Variants in TENM4 observed in about 807,000 individuals in gnomAD.
TENM4 encodes the protein teneurin-4.
TENM4 carries 82 observed loss-of-function variants against 243.3 expected under a neutral mutation model. The ratio of observed to expected loss-of-function variants is 0.34; its 90% CI spans 0.28 to 0.40. The LOEUF (loss-of-function observed/expected upper bound fraction) is 0.40. TENM4 is among the 10% of genes least tolerant of loss of function. TENM4 has a pLI of 1.00. For synonymous variants in TENM4, 1,412 were observed against 1,456.3 expected, an observed-to-expected ratio of 0.97 and a Z score of 0.69; for missense variants, 3,138 against 3,673.3, an observed-to-expected ratio of 0.85 and a Z score of 3.77.
chr11:78,765,244 T>C (rs1223590267), intron 18 of TENM4, among the ~76,000 whole-genome samples: 3 of 152,258 alleles, frequency 2.0e-5, no homozygotes, highest in Non-Finnish European at 4.4e-5. Flanking sequence ...TAATAAATTC[T>C]GTGCCTTCTT....
At chr11:79,081,534 G>GGTGTGT (rs56237099) in intron 4 of TENM4, among the ~76,000 whole-genome samples, 49,727 of 148,088 alleles carry the variant, frequency 0.34, 8,610 homozygotes, top group African/African-American at 0.39. Flanking sequence ...TGTCAGAGGT[G>GGTGTGT]GTGTGTGTGT....
chr11:78,688,033 C>T, intron 29 of TENM4, 21 bp downstream of exon 29: 1 of 1,612,054 alleles, frequency 6.2e-7, no homozygotes, highest in Non-Finnish European at 8.5e-7. Flanking sequence ...CTCAAAGTCC[C>T]CTGGCCCCCA....
intron 28 of TENM4, among the ~76,000 whole-genome samples, chr11:78,696,696 T>A (rs906675105): frequency 6.6e-6 from 1 of 152,158 alleles, no homozygotes; most frequent in Non-Finnish European, 1.5e-5. Context: ...GTTCAGCCCT[T>A]GGGTCCTCCC....
chr11:78,929,477 G>T (rs1856624593), intron 6 of TENM4, among the ~76,000 whole-genome samples: 1 of 152,202 alleles, frequency 6.6e-6, no homozygotes, highest in South Asian at 2.1e-4. Context: ...ACAAGAAGGA[G>T]AGAGGGCTAG....
At chr11:78,716,470 C>G (rs1239204505) in intron 25 of TENM4, among the ~76,000 whole-genome samples, 1 of 152,222 alleles carries the variant, frequency 6.6e-6, no homozygotes, top group African/African-American at 2.4e-5. Flanking sequence ...GATTACCAGT[C>G]TCTGCGGCTT....
chr11:79,314,455 G>A (rs1856772173), intron 1 of TENM4, among the ~76,000 whole-genome samples: 1 of 152,212 alleles, frequency 6.6e-6, no homozygotes, highest in African/African-American at 2.4e-5. Context: ...TTGGGGCCGG[G>A]AAGCCTGGTG....
chr11:78,830,076 G>T (rs894342678), intron 12 of TENM4, among the ~76,000 whole-genome samples: 1 of 152,208 alleles, frequency 6.6e-6, no homozygotes, highest in African/African-American at 2.4e-5. Context: ...ACGTATTGGG[G>T]CTGCTGAATC....
intron 1 of TENM4, among the ~76,000 whole-genome samples, chr11:79,341,539 A>C (rs887000590): frequency 6.6e-6 from 1 of 152,228 alleles, no homozygotes; most frequent in African/African-American, 2.4e-5. Context: ...TGAACATGAC[A>C]GAGCTAGAAC....
chr11:78,738,318 G>A (rs565233391), intron 20 of TENM4, 133 bp downstream of exon 20: 2 of 1,225,380 alleles, frequency 1.6e-6, no homozygotes, highest in South Asian at 3.1e-5. Context: ...AAGTTGCAGA[G>A]CTGGGCATTT....
chr11:78,958,278 T>C (rs1257375322), intron 6 of TENM4, among the ~76,000 whole-genome samples: 2 of 152,202 alleles, frequency 1.3e-5, no homozygotes, highest in Non-Finnish European at 2.9e-5. Context: ...TCTTAAATAT[T>C]AACCACCAAG....
At chr11:79,426,204 C>G (rs1332547934) in intron 1 of TENM4, among the ~76,000 whole-genome samples, 1 of 152,192 alleles carries the variant, frequency 6.6e-6, no homozygotes, top group East Asian at 1.9e-4. Context: ...CTAACAAGTT[C>G]AGATGACATC....
chr11:78,880,834 T>A (rs1214553413), intron 9 of TENM4, among the ~76,000 whole-genome samples: 1 of 152,156 alleles, frequency 6.6e-6, no homozygotes, highest in Non-Finnish European at 1.5e-5. Context: ...CTTTACTATA[T>A]TTCTCAAAAA....
intron 6 of TENM4, among the ~76,000 whole-genome samples, chr11:78,992,161 CTGG>C (rs1858062142): frequency 1.3e-5 from 2 of 152,210 alleles, no homozygotes; most frequent in Non-Finnish European, 2.9e-5. Flanking sequence ...AGAGCACCTG[CTGG>C]TGCACAGCAA....
chr11:79,100,610 C>T (rs548482724), intron 4 of TENM4, among the ~76,000 whole-genome samples: 4 of 152,190 alleles, frequency 2.6e-5, no homozygotes, highest in South Asian at 2.1e-4. Context: ...GTACCTATGG[C>T]GCTGCTTGGC....
chr11:79,383,912 C>T (rs918187625), intron 1 of TENM4, among the ~76,000 whole-genome samples: 1 of 152,202 alleles, frequency 6.6e-6, no homozygotes, highest in African/African-American at 2.4e-5. Flanking sequence ...CACGTCCCTG[C>T]CCTTCAGCAC....
chr11:79,158,383 G>A (rs1158046012), intron 3 of TENM4, among the ~76,000 whole-genome samples: 1 of 152,170 alleles, frequency 6.6e-6, no homozygotes, highest in Non-Finnish European at 1.5e-5. Flanking sequence ...GAATAAGATG[G>A]CTGGGGTTGA....
At chr11:78,864,169 A>C (rs1858898515) in intron 9 of TENM4, among the ~76,000 whole-genome samples, 1 of 152,186 alleles carries the variant, frequency 6.6e-6, no homozygotes, top group Non-Finnish European at 1.5e-5. Context: ...GGATAGAGAT[A>C]CTATGGATCG....
chr11:78,806,007 TG>T (rs1415847552), intron 14 of TENM4, among the ~76,000 whole-genome samples: 9 of 152,126 alleles, frequency 5.9e-5, no homozygotes, highest in South Asian at 4.2e-4. Flanking sequence ...TTCACTTTCC[TG>T]GCCAGGTGTG....
At chr11:79,253,513 C>T (rs529295956) in intron 2 of TENM4, among the ~76,000 whole-genome samples, 8 of 152,264 alleles carry the variant, frequency 5.3e-5, no homozygotes, top group African/African-American at 1.2e-4. Context: ...AATAGGCAGT[C>T]GAGGAAGCCC....
Sources: allele counts gnomAD v4.1 joint callset (sites outside exome capture counted in the v4.1 genomes callset), GRCh38; gene constraint gnomAD v4.1.1; transcripts MANE v1.5; gene names NCBI Gene and HGNC (gene_info 2026-07-23, HGNC 2026-07-21).